The following DDX25 variants were observed in gnomAD, a reference collection of about 807,000 sequenced individuals.
DDX25 encodes the protein ATP-dependent RNA helicase DDX25.
Under a neutral mutation model 64.6 loss-of-function variants are expected in DDX25, and 70 were observed. That is an observed-to-expected ratio of 1.08 (90% CI 0.89 to 1.32). The LOEUF (loss-of-function observed/expected upper bound fraction) is 1.32. Ranked by LOEUF, DDX25 falls within the 40% of genes most tolerant of loss-of-function variation. DDX25 has a pLI of 0.00. For missense variants in DDX25, 587 were observed against 604.4 expected, an observed-to-expected ratio of 0.97 and a Z score of 0.30; for synonymous variants, 211 against 213.3, an observed-to-expected ratio of 0.99 and a Z score of 0.09.
chr11:125,915,446 C>T (rs1051192241), intron 8 of DDX25, among the ~76,000 whole-genome samples: 1 of 152,176 alleles, frequency 6.6e-6, no homozygotes, highest in African/African-American at 2.4e-5. Flanking sequence ...ACTAAGTCTT[C>T]AAAATCCAGT....
chr11:125,925,287 T>C lies in DDX25; in HGVS notation c.*2406T>C. 1 of 384,898 alleles carries C rather than the reference T, an allele frequency of 2.6e-6. No homozygotes were observed. The highest frequency in any genetic ancestry group is 1.9e-5 in the South Asian group (1 of 53,150). The allele number at this position is 384,898 out of a possible 1,614,324, so 23.8% of individuals were successfully genotyped here. Reference sequence around the variant, plus strand: ...TCAGTAATTTTTGTTTGGCAGCTGTTCCCACAGGTCTGCATGAACCAGGTA... The same window carrying C: ...TCAGTAATTTTTGTTTGGCAGCTGTCCCCACAGGTCTGCATGAACCAGGTA... On this transcript the variant is annotated 3_prime_UTR_variant, in exon 12 of 12. Transcript: ENST00000263576.
At chr11:125,919,601 C>T (rs1945085917) in intron 10 of DDX25, among the ~76,000 whole-genome samples, 1 of 147,532 alleles carries the variant, frequency 6.8e-6, no homozygotes, top group South Asian at 2.2e-4. Context: ...TTTCTTCATC[C>T]CTCCTAAATC....
At chr11:125,916,555 T>C (rs927019895) in intron 8 of DDX25, among the ~76,000 whole-genome samples, 1 of 152,196 alleles carries the variant, frequency 6.6e-6, no homozygotes, top group East Asian at 1.9e-4. Flanking sequence ...CCCCTTTAAT[T>C]TGTATCTAGT....
Position 125,921,916 on chromosome 11 carries a change from C to T in DDX25, c.1390+537C>T, listed in dbSNP as rs982778423. 1.3e-5 allele frequency: 2 copies of T among 152,882 alleles called. No homozygotes were observed. Among genetic ancestry groups the T allele is most frequent in the Admixed American group, 1.3e-4 (2 of 15,392 alleles). 9.5% of individuals were successfully genotyped at this position (152,882 alleles called of 1,614,324 possible). The stretch of plus-strand genomic sequence containing the variant: ...AAAATAAAATTTGAGCTCAGATTTA[C>T]ATGTTATAACTCATTCTGGAGTCAG... On this transcript the variant is annotated intron_variant, in intron 11 of 11. Coordinates refer to ENST00000263576, the MANE Select transcript of DDX25 (RefSeq NM_013264.5). The surrounding 1 kb of genome is among the most constrained non-coding windows in gnomAD (Gnocchi z 4.1).
Position 125,922,936 on chromosome 11 carries a change from G to T in DDX25, c.*55G>T. 6.7e-7 allele frequency: 1 copy of T among 1,486,024 alleles called. No homozygotes were observed. 92.1% of individuals were successfully genotyped at this position (1,486,024 alleles called of 1,614,324 possible). A position where few individuals can be genotyped will look rare whatever the true frequency, so the allele number is the denominator to read the frequency against. On this transcript the variant is annotated 3_prime_UTR_variant, in exon 12 of 12. Transcript: ENST00000263576. ...CTAGTTTATGTGAGAATGTCTCAGT[G>T]GGTTTTGAAGGTAATTTTTTTATGT...
intron 3 of DDX25, 125 bp from the exon 4 acceptor site, chr11:125,905,949 C>G (rs944562240): frequency 7.2e-6 from 9 of 1,253,410 alleles, no homozygotes; most frequent in African/African-American, 1.5e-5. Context: ...TTCTGGAACC[C>G]TCTTTTAGAG....
At chr11:125,903,523 C>G (rs79013855), upstream of DDX25, 31,511 of 152,136 alleles carry the variant, frequency 0.21, 3,534 homozygotes, top group Non-Finnish European at 0.25. Flanking sequence ...AAGAAAGTTA[C>G]CATTGAGAGA....
At chr11:125,910,674 C>T (rs1345501166) in intron 7 of DDX25, among the ~76,000 whole-genome samples, 196 bp downstream of exon 7, 1 of 152,218 alleles carries the variant, frequency 6.6e-6, no homozygotes, top group Non-Finnish European at 1.5e-5. Flanking sequence ...TAAGGACCCA[C>T]TAAATGTTAG....
At chr11:125,909,064 A>G (rs1944932269) in intron 6 of DDX25, among the ~76,000 whole-genome samples, 1 of 152,212 alleles carries the variant, frequency 6.6e-6, no homozygotes, top group African/African-American at 2.4e-5. Flanking sequence ...TGAGGTCCCC[A>G]GAGAGTGGCT....
chr11:125,924,390 G>A lies in DDX25; in HGVS notation c.*1509G>A, dbSNP rs1945150033. The A allele has an allele frequency of 2.0e-5, 3 of 152,448 alleles. No individual in the cohort carries two copies. In the South Asian group the frequency reaches 6.2e-4, roughly 32 times the overall value. The allele number at this position is 152,448 out of a possible 1,614,324, so 9.4% of individuals were successfully genotyped here. A position where few individuals can be genotyped will look rare whatever the true frequency, so the allele number is the denominator to read the frequency against. On this transcript the variant is annotated 3_prime_UTR_variant, in exon 12 of 12. Transcript: ENST00000263576. The stretch of plus-strand genomic sequence containing the variant: ...CCATGTTGGAATTCAGAGCCTAATG[G>A]CAGAGACCTAGAATAAGCCAGCATG...
Position 125,928,213 on chromosome 11 carries a change from T to C in DDX25, c.*5332T>C, listed in dbSNP as rs1004020254. 1 of 152,246 alleles carries C rather than the reference T, an allele frequency of 6.6e-6. No individual in the cohort carries two copies. Among genetic ancestry groups the C allele is most frequent in the African/African-American group, 2.4e-5 (1 of 41,474 alleles). The allele number at this position is 152,246 out of a possible 1,614,324, so 9.4% of individuals were successfully genotyped here. A position where few individuals can be genotyped will look rare whatever the true frequency, so the allele number is the denominator to read the frequency against. On this transcript the variant is annotated 3_prime_UTR_variant, in exon 12 of 12. Coordinates refer to ENST00000263576, the MANE Select transcript of DDX25 (RefSeq NM_013264.5). ...TATCAGCTTGATATAGTCCTGTTCT[T>C]AATATAAACATCTGTGGTTAATTAT...
At position 125,925,382 on chromosome 11, in the gene DDX25, T is replaced by C. The variant is rs1945158019; in HGVS notation, c.*2501T>C. On this transcript the variant is annotated 3_prime_UTR_variant, in exon 12 of 12. Transcript: ENST00000263576. Reference sequence around the variant, plus strand: ...CACCACCTAGGAGGCAGCAAAGCCATCCTGTGTCACAGCTGCATTAACACG... The same window carrying C: ...CACCACCTAGGAGGCAGCAAAGCCACCCTGTGTCACAGCTGCATTAACACG... The C allele has an allele frequency of 6.6e-6, 3 of 456,082 alleles. No individual in the cohort carries two copies. Among genetic ancestry groups the C allele is most frequent in the African/African-American group, 2.0e-5 (1 of 50,066 alleles). The allele number at this position is 456,082 out of a possible 1,614,324, so 28.3% of individuals were successfully genotyped here. A position where few individuals can be genotyped will look rare whatever the true frequency, so the allele number is the denominator to read the frequency against.
chr11:125,925,362 C>G lies in DDX25; in HGVS notation c.*2481C>G. On this transcript the variant is annotated 3_prime_UTR_variant, in exon 12 of 12. Coordinates refer to ENST00000263576, the MANE Select transcript of DDX25 (RefSeq NM_013264.5). ...CTCCTCACGTCCCTTTGTCTCACCA[C>G]CTAGGAGGCAGCAAAGCCATCCTGT... The G allele has an allele frequency of 6.6e-6, 3 of 455,580 alleles. No homozygotes were observed. The highest frequency in any genetic ancestry group is 1.3e-5 in the Non-Finnish European group (3 of 226,522). The allele number at this position is 455,580 out of a possible 1,614,324, so 28.2% of individuals were successfully genotyped here.
intron 2 of DDX25, 89 bp downstream of exon 2, chr11:125,905,367 C>T (rs565325965): frequency 1.3e-4 from 188 of 1,444,242 alleles, no homozygotes; most frequent in Non-Finnish European, 1.7e-4. Flanking sequence ...TGAAACACCG[C>T]GGATTCATTA....
In DDX25 at chr11:125,918,577, C is replaced by T. The variant is rs765619592; in HGVS notation, c.1039-51C>T. ...GCATGGTGTCACAAGCACAGCTAGGCTGCTTTGCTTAATCTTGGGGTGCTG... is the reference window on the plus strand; with the variant it reads ...GCATGGTGTCACAAGCACAGCTAGGTTGCTTTGCTTAATCTTGGGGTGCTG... On this transcript the variant is annotated intron_variant, in intron 9 of 11. Coordinates refer to ENST00000263576, the MANE Select transcript of DDX25 (RefSeq NM_013264.5). The T allele has an allele frequency of 7.6e-6, 12 of 1,584,004 alleles. No homozygotes were observed. In the East Asian group the frequency reaches 2.5e-4, roughly 33 times the overall value.
chr11:125,911,964 T>TAA (rs1455405825), intron 8 of DDX25, among the ~76,000 whole-genome samples: 1 of 152,226 alleles, frequency 6.6e-6, no homozygotes, highest in Non-Finnish European at 1.5e-5. Context: ...CTGAGGGATT[T>TAA]AAAACTACAG....
At chr11:125,914,167 C>T (rs975046649) in intron 8 of DDX25, among the ~76,000 whole-genome samples, 4 of 152,192 alleles carry the variant, frequency 2.6e-5, no homozygotes, top group African/African-American at 7.2e-5. Context: ...CACAGCAGAA[C>T]GTTCCTCTTT....
rs1462738730 is a variant in DDX25 at position 125,927,825 on chromosome 11, C to T, written c.*4944C>T. The T allele has an allele frequency of 6.6e-6, 1 of 152,148 alleles. No individual in the cohort carries two copies. Among genetic ancestry groups the T allele is most frequent in the African/African-American group, 2.4e-5 (1 of 41,424 alleles). The allele number at this position is 152,148 out of a possible 1,614,324, so 9.4% of individuals were successfully genotyped here. On this transcript the variant is annotated 3_prime_UTR_variant, in exon 12 of 12. Transcript: ENST00000263576. Reference sequence around the variant, plus strand: ...CAGAAGATGAATAGTTAATCAGATGCTGTAGTTCTGGTTCTTGAATAACCA... The same window carrying T: ...CAGAAGATGAATAGTTAATCAGATGTTGTAGTTCTGGTTCTTGAATAACCA...
chr11:125,907,355 T>G (rs2960423), intron 4 of DDX25, among the ~76,000 whole-genome samples: 128,191 of 151,572 alleles, frequency 0.85, 54,654 homozygotes, highest in East Asian at 0.98. Context: ...ACGCCTGTAA[T>G]CCCAGCACTT....
Sources: allele counts gnomAD v4.1 joint callset (sites outside exome capture counted in the v4.1 genomes callset), GRCh38; gene constraint gnomAD v4.1.1; non-coding constraint Gnocchi (gnomAD v3.1); transcripts MANE v1.5; gene names NCBI Gene and HGNC (gene_info 2026-07-23, HGNC 2026-07-21).